The following SPICE1 variants were observed in gnomAD, a reference collection of about 807,000 sequenced individuals.
The protein encoded by SPICE1 is spindle and centriole associated protein 1.
SPICE1 carries 75 observed loss-of-function variants against 102.7 expected under a neutral mutation model. The ratio of observed to expected loss-of-function variants is 0.73; its 90% confidence interval spans 0.61 to 0.88. The LOEUF is 0.88. SPICE1 is among the 40% of genes least tolerant of loss of function. The pLI is 0.00. For synonymous variants in SPICE1, 308 were observed against 350.3 expected (o/e 0.88, Z 1.35); for missense variants, 979 against 1,020.1 (o/e 0.96, Z 0.55).
intron 2 of SPICE1, among the ~76,000 whole-genome samples, chr3:113,503,931 TAAA>T (rs34217669): frequency 0.011 from 1,012 of 95,498 alleles, 13 homozygotes; most frequent in African/African-American, 0.037. Context: ...AGTTTCTATC[TAAA>T]AAAAAAAAAA....
At chr3:113,506,316 A>G (rs979395455) in intron 2 of SPICE1, among the ~76,000 whole-genome samples, 191 bp downstream of exon 2, 2 of 152,178 alleles carry the variant, frequency 1.3e-5, no homozygotes, top group Non-Finnish European at 2.9e-5. Flanking sequence ...GGATGTGTGT[A>G]TTCTAAAAAC....
chr3:113,485,171 TG>T (rs1351553032), intron 7 of SPICE1, among the ~76,000 whole-genome samples: 1 of 149,398 alleles, frequency 6.7e-6, no homozygotes, highest in African/African-American at 2.5e-5. Context: ...GCAGGAGTTT[TG>T]TTTGTTTTTT....
chr3:113,473,960 C>T (rs903346940), intron 7 of SPICE1, among the ~76,000 whole-genome samples: 3 of 152,008 alleles, frequency 2.0e-5, no homozygotes, highest in Non-Finnish European at 4.4e-5. Context: ...TGTAAACGGA[C>T]TAAATGCTCC....
rs531687804 is a variant in SPICE1 at position 113,507,492 on chromosome 3, A to T, written c.1-887T>A. On this transcript the variant is annotated intron_variant, in intron 1 of 17. Transcript: ENST00000295872. ...GTATTTTCCTTAAGTACTTTTTTTT[A>T]AAAAAAAATCATTGTCTACTATAAT... Among the ~76,000 whole-genome samples the T allele has an allele frequency of 3.1e-3, 462 of 148,188 alleles. 2 individuals are homozygous for T. Among genetic ancestry groups the T allele is most frequent in the African/African-American group, 8.8e-3 (362 of 41,164 alleles).
Position 113,476,590 on chromosome 3 carries a change from T to C in SPICE1, c.612-7352A>G, listed in dbSNP as rs575927447. ...TGTTACTGGTACCAAAACAGAGATA[T>C]AGATCAATGGAACAGAACAGAGCCC... is the stretch of plus-strand genomic sequence containing the variant. On this transcript the variant is annotated intron_variant, in intron 7 of 17. Coordinates refer to ENST00000295872, the MANE Select transcript of SPICE1 (RefSeq NM_144718.4). 1.1e-3 allele frequency among the ~76,000 whole-genome samples: 166 copies of C among 144,610 alleles called. 2 individuals carry two copies. In the South Asian group the frequency reaches 0.032, roughly 28 times the overall value. The allele number at this position is 144,610 out of a possible 152,430, so 94.9% of individuals were successfully genotyped here.
At chr3:113,464,420 C>G (rs1410263609) in intron 11 of SPICE1, among the ~76,000 whole-genome samples, 2 of 151,804 alleles carry the variant, frequency 1.3e-5, no homozygotes, top group African/African-American at 2.4e-5. Context: ...CCATGCCCAG[C>G]TAATATTTTT....
chr3:113,460,095 A>T (rs1176479326), intron 12 of SPICE1: 1 of 985,314 alleles, frequency 1.0e-6, no homozygotes, highest in Non-Finnish European at 1.2e-6. Context: ...AAAATGTCCA[A>T]TTCAGCCTAT....
intron 12 of SPICE1, among the ~76,000 whole-genome samples, chr3:113,458,324 T>A (rs1935832155): frequency 1.3e-5 from 2 of 152,172 alleles, no homozygotes; most frequent in East Asian, 3.8e-4. Flanking sequence ...CTGATTCTCC[T>A]GCCTCAGCCT....
chr3:113,475,883 G>A (rs950210367), intron 7 of SPICE1, among the ~76,000 whole-genome samples: 38 of 151,970 alleles, frequency 2.5e-4, no homozygotes, highest in South Asian at 6.2e-4. Flanking sequence ...ACAAGACAGG[G>A]ATGCCCTCTC....
Position 113,480,931 on chromosome 3 carries a change from A to AGAAAGAAAGAAAGAAAGAAAG in SPICE1, c.611+8013_611+8014insCTTTCTTTCTTTCTTTCTTTC, listed in dbSNP as rs61284128. On this transcript the variant is annotated intron_variant, in intron 7 of 17. Coordinates refer to ENST00000295872, the MANE Select transcript of SPICE1 (RefSeq NM_144718.4). ...AAAATTTAAAGAAAGAAAGAAAGAA[A>AGAAAGAAAGAAAGAAAGAAAG]AAAGACCTCAGTACTAAAGCCAATA... 2.8e-3 allele frequency among the ~76,000 whole-genome samples: 398 copies of AGAAAGAAAGAAAGAAAGAAAG among 143,650 alleles called. 10 individuals carry two copies. Among genetic ancestry groups the AGAAAGAAAGAAAGAAAGAAAG allele is most frequent in the Middle Eastern group, 0.01 (3 of 288 alleles). 94.2% of individuals were successfully genotyped at this position (143,650 alleles called of 152,430 possible). A position where few individuals can be genotyped will look rare whatever the true frequency, so the allele number is the denominator to read the frequency against.
At chr3:113,458,879 G>A (rs1935853526) in intron 12 of SPICE1, among the ~76,000 whole-genome samples, 1 of 151,962 alleles carries the variant, frequency 6.6e-6, no homozygotes, top group African/African-American at 2.4e-5. Flanking sequence ...TGGGAAGTGA[G>A]GAGCCCCTCT....
chr3:113,464,734 C>T (rs552046885), intron 11 of SPICE1, among the ~76,000 whole-genome samples: 1 of 152,270 alleles, frequency 6.6e-6, no homozygotes, highest in East Asian at 1.9e-4. Context: ...AAGAAGCATA[C>T]AGTCTCAGTA....
At chr3:113,507,311 T>A (rs1937131409) in intron 1 of SPICE1, among the ~76,000 whole-genome samples, 1 of 152,076 alleles carries the variant, frequency 6.6e-6, no homozygotes, top group African/African-American at 2.4e-5. Context: ...AGACCCATAG[T>A]CCCCGAACAC....
At chr3:113,454,328 A>G (rs1055991715) in intron 13 of SPICE1, among the ~76,000 whole-genome samples, 3 of 152,230 alleles carry the variant, frequency 2.0e-5, no homozygotes, top group East Asian at 1.9e-4. Context: ...AAATGATTAC[A>G]TATGTAATAG....
At chr3:113,485,791 T>C (rs1315787537) in intron 7 of SPICE1, among the ~76,000 whole-genome samples, 2 of 152,138 alleles carry the variant, frequency 1.3e-5, no homozygotes, top group African/African-American at 4.8e-5. Flanking sequence ...AATTTAATAA[T>C]AAAACATGGA....
intron 2 of SPICE1, among the ~76,000 whole-genome samples, chr3:113,505,857 G>C (rs561014721): frequency 3.2e-4 from 49 of 152,186 alleles, no homozygotes; most frequent in Non-Finnish European, 5.9e-4. Context: ...AGTGAGCTAT[G>C]ATGGCATCAC....
intron 1 of SPICE1, among the ~76,000 whole-genome samples, chr3:113,511,882 T>G (rs1937228942): frequency 6.6e-6 from 1 of 152,210 alleles, no homozygotes; most frequent in African/African-American, 2.4e-5. Context: ...AGCCAAGAGC[T>G]GACACTCAAG....
In SPICE1 at chr3:113,499,488, T is replaced by A. The variant is rs1936966410; in HGVS notation, c.242A>T (p.Lys81Ile). ...TTTCTCAAGATTTAAAGTTTCTGGTTTCTGCTTCCTCCATTTTCTCTTCAA... is the reference window on the plus strand; with the variant it reads ...TTTCTCAAGATTTAAAGTTTCTGGTATCTGCTTCCTCCATTTTCTCTTCAA... ...KALKRKWRKQ[K>I]PETLNLEKRR... The change falls in exon 4 of 18, where the codon AAA becomes ATA. Residue 81 changes from lysine (K) to isoleucine (I), a missense_variant. Transcript: ENST00000295872. 6.2e-7 allele frequency: 1 copy of A among 1,613,336 alleles called. No homozygotes were observed. The highest frequency in any genetic ancestry group is 1.3e-5 in the African/African-American group (1 of 74,916).
Position 113,444,400 on chromosome 3 carries a change from T to A in SPICE1, c.*907A>T, listed in dbSNP as rs1467037016. ...CTATAATCCTAGCTACTCAGGAGGC[T>A]GAGGTAAGAGGATTGCTTGAACCCA... On this transcript the variant is annotated 3_prime_UTR_variant, in exon 18 of 18. Coordinates refer to ENST00000295872, the MANE Select transcript of SPICE1 (RefSeq NM_144718.4). 1 of 151,390 alleles carries A rather than the reference T, an allele frequency of 6.6e-6. No individual in the cohort carries two copies. 9.4% of individuals were successfully genotyped at this position (151,390 alleles called of 1,614,324 possible). A position where few individuals can be genotyped will look rare whatever the true frequency, so the allele number is the denominator to read the frequency against.
Sources: allele counts gnomAD v4.1 joint callset (sites outside exome capture counted in the v4.1 genomes callset), GRCh38; gene constraint gnomAD v4.1.1; transcripts MANE v1.5; gene names NCBI Gene and HGNC (gene_info 2026-07-23, HGNC 2026-07-21).